The following RBFOX1 variants were observed in gnomAD, a reference collection of about 807,000 sequenced individuals.
RBFOX1 encodes RNA binding protein fox-1 homolog 1.
A neutral mutation model predicts 57.7 loss-of-function variants in RBFOX1; 8 were observed. That is an observed-to-expected ratio of 0.14 (90% CI 0.08 to 0.25). The LOEUF (loss-of-function observed/expected upper bound fraction) is 0.25. Ranked by LOEUF, RBFOX1 falls within the 10% of genes least tolerant of loss-of-function variation. The pLI, the probability that RBFOX1 is intolerant of heterozygous loss-of-function variation, is 1.00. For missense variants in RBFOX1, 611 were observed against 548.5 expected, an observed-to-expected ratio of 1.11 and a Z score of -1.14; for synonymous variants, 326 against 222.4, an observed-to-expected ratio of 1.47 and a Z score of -4.15.
chr16:7,025,197 AAAC>A lies in RBFOX1; in HGVS notation c.-15-26857_-15-26855del, dbSNP rs1206915216. Among the ~76,000 whole-genome samples the A allele has an allele frequency of 3.3e-5, 5 of 152,172 alleles. 1 individual carries two copies. The highest frequency in any genetic ancestry group is 2.0e-4 in the Admixed American group (3 of 15,266). On this transcript the variant is annotated intron_variant, in intron 3 of 15. Coordinates refer to ENST00000550418, the MANE Select transcript of RBFOX1 (RefSeq NM_018723.4). Reference sequence around the variant, plus strand: ...TATGGTTATTTCTTGATGATATGCTAAACAAGGGGTGAATTACTCATGTCTCCC... The same window carrying A: ...TATGGTTATTTCTTGATGATATGCTAAAGGGGTGAATTACTCATGTCTCCC...
At chr16:7,352,787 C>T (rs1045351015) in intron 4 of RBFOX1, among the ~76,000 whole-genome samples, 3 of 152,118 alleles carry the variant, frequency 2.0e-5, no homozygotes, top group Non-Finnish European at 4.4e-5. Context: ...GCGATCATGG[C>T]TCACTGCAGC....
At chr16:7,507,936 C>G (rs2073914802) in intron 4 of RBFOX1, among the ~76,000 whole-genome samples, 1 of 151,736 alleles carries the variant, frequency 6.6e-6, no homozygotes, top group Admixed American at 6.6e-5. Context: ...TCTGTTGCAT[C>G]TATCTGATTG....
At position 7,038,487 on chromosome 16, in the gene RBFOX1, T is replaced by C. The variant is rs577143792; in HGVS notation, c.-15-13570T>C. ...AATAAAAATGTACCTGGGGTAATGG[T>C]TTATTATTAGAATAAATAATAGGCA... is the stretch of plus-strand genomic sequence containing the variant. On this transcript the variant is annotated intron_variant, in intron 3 of 15. Transcript: ENST00000550418. Among the ~76,000 whole-genome samples the C allele has an allele frequency of 2.6e-5, 4 of 152,294 alleles. No individual in the cohort carries two copies. In the East Asian group the frequency reaches 7.7e-4, roughly 29 times the overall value.
At chr16:5,615,707 C>T (rs2047998044) in intron 3 of RBFOX1, among the ~76,000 whole-genome samples, 1 of 152,200 alleles carries the variant, frequency 6.6e-6, no homozygotes, top group Admixed American at 6.5e-5. Flanking sequence ...GGGGCAGATC[C>T]ACATTTTGTG....
At position 5,617,308 on chromosome 16, in the gene RBFOX1, C is replaced by G. The variant is rs529662828; in HGVS notation, c.318+18347C>G. Among the ~76,000 whole-genome samples the G allele has an allele frequency of 4.6e-5, 7 of 152,338 alleles. No individual in the cohort carries two copies. The East Asian group carries it at 5.8e-4, about 13-fold the overall frequency. On this transcript the variant is annotated intron_variant, in intron 3 of 19. Transcript: ENST00000641259. ...CTCAGGTTCAATGCTGCCCTTCGGA[C>G]TAGCCTGTGAGCACTTATTCCTGCT...
At chr16:6,535,094 A>C (rs986573799) in intron 2 of RBFOX1, among the ~76,000 whole-genome samples, 3 of 152,162 alleles carry the variant, frequency 2.0e-5, no homozygotes, top group Admixed American at 2.0e-4. Flanking sequence ...TTGGGATGAG[A>C]TTCCATGGGA....
At chr16:6,987,625 C>A (rs1473998070) in intron 3 of RBFOX1, among the ~76,000 whole-genome samples, 1 of 152,104 alleles carries the variant, frequency 6.6e-6, no homozygotes, top group African/African-American at 2.4e-5. Context: ...AATTTCCATT[C>A]CGTTGAAATA....
chr16:6,398,456 C>A (rs1196825428), intron 2 of RBFOX1, among the ~76,000 whole-genome samples: 1 of 152,062 alleles, frequency 6.6e-6, no homozygotes, highest in Admixed American at 6.5e-5. Flanking sequence ...GCCTATGAGC[C>A]TGTAAAATCA....
chr16:6,025,795 G>A (rs147668200), intron 1 of RBFOX1, among the ~76,000 whole-genome samples: 1 of 152,272 alleles, frequency 6.6e-6, no homozygotes, highest in African/African-American at 2.4e-5. Flanking sequence ...AGGTTGAGGT[G>A]CAATTTGTTG....
chr16:7,701,367 G>A (rs2080661031), intron 14 of RBFOX1, among the ~76,000 whole-genome samples: 1 of 152,144 alleles, frequency 6.6e-6, no homozygotes, highest in Non-Finnish European at 1.5e-5. Flanking sequence ...ATTCCTGCCT[G>A]AGCTCCACCT....
chr16:6,688,621 C>G (rs2059782007), intron 3 of RBFOX1, among the ~76,000 whole-genome samples: 1 of 152,214 alleles, frequency 6.6e-6, no homozygotes, highest in African/African-American at 2.4e-5. Context: ...AGCCATTTGA[C>G]CTGCAGATTG....
intron 4 of RBFOX1, among the ~76,000 whole-genome samples, chr16:7,416,288 C>T (rs1844488775): frequency 6.6e-6 from 1 of 152,176 alleles, no homozygotes; most frequent in South Asian, 2.1e-4. Context: ...ACTCTGTGCC[C>T]GGAATCCAGA....
At chr16:5,711,966 C>T (rs1481073921) in intron 3 of RBFOX1, among the ~76,000 whole-genome samples, 2 of 152,184 alleles carry the variant, frequency 1.3e-5, no homozygotes, top group African/African-American at 2.4e-5. Flanking sequence ...GTAATTTATA[C>T]ATGAAAGAGG....
At chr16:6,434,218 C>A (rs1228436033) in intron 2 of RBFOX1, among the ~76,000 whole-genome samples, 2 of 152,134 alleles carry the variant, frequency 1.3e-5, no homozygotes, top group Non-Finnish European at 2.9e-5. Flanking sequence ...AGCTCAATAT[C>A]CCTAATTACA....
At chr16:6,189,120 G>T (rs2097126142) in intron 1 of RBFOX1, among the ~76,000 whole-genome samples, 1 of 152,204 alleles carries the variant, frequency 6.6e-6, no homozygotes, top group South Asian at 2.1e-4. Flanking sequence ...CCACCAAATG[G>T]TTCCATTTTC....
chr16:5,406,504 A>T (rs2066871390), intron 1 of RBFOX1, among the ~76,000 whole-genome samples: 1 of 151,916 alleles, frequency 6.6e-6, no homozygotes, highest in Admixed American at 6.6e-5. Context: ...GGAACTTCTT[A>T]ATCTCCATAA....
chr16:6,839,758 G>C (rs750025178), intron 3 of RBFOX1, among the ~76,000 whole-genome samples: 3 of 152,192 alleles, frequency 2.0e-5, no homozygotes, highest in African/African-American at 7.2e-5. Flanking sequence ...AAATTAAGCA[G>C]TTGAAACATT....
chr16:6,686,118 G>C (rs571550888), intron 3 of RBFOX1, among the ~76,000 whole-genome samples: 3 of 152,326 alleles, frequency 2.0e-5, no homozygotes, highest in Middle Eastern at 3.4e-3. Context: ...AGCAGCAGCA[G>C]TGGGGACTAT....
At chr16:5,512,484 A>G (rs1567178984) in intron 2 of RBFOX1, among the ~76,000 whole-genome samples, 1 of 150,572 alleles carries the variant, frequency 6.6e-6, no homozygotes, top group Non-Finnish European at 1.5e-5. Flanking sequence ...TGTGGAGGTG[A>G]GCTATAGGGT....
Sources: allele counts gnomAD v4.1 joint callset (sites outside exome capture counted in the v4.1 genomes callset), GRCh38; gene constraint gnomAD v4.1.1; transcripts MANE v1.5; gene names NCBI Gene and HGNC (gene_info 2026-07-23, HGNC 2026-07-21).